Variants in GAS2 observed in about 807,000 individuals in gnomAD.
GAS2 encodes the protein growth arrest-specific protein 2.
GAS2 carries 20 observed loss-of-function variants against 37.5 expected under a neutral mutation model. That is an observed-to-expected ratio of 0.53 (90% CI 0.37 to 0.77). The LOEUF (loss-of-function observed/expected upper bound fraction) is 0.77. Ranked by LOEUF, GAS2 falls within the 30% of genes least tolerant of loss-of-function variation. GAS2 has a pLI of 0.00. For synonymous variants in GAS2, 144 were observed against 132.2 expected, an observed-to-expected ratio of 1.09 and a Z score of -0.61; for missense variants, 336 against 373.4, an observed-to-expected ratio of 0.90 and a Z score of 0.82.
chr11:22,713,749 C>T (rs2134095944), intron 3 of GAS2, among the ~76,000 whole-genome samples: 1 of 152,152 alleles, frequency 6.6e-6, no homozygotes, highest in East Asian at 1.9e-4. Flanking sequence ...TTGTACACAG[C>T]AAACTAAGCT....
At chr11:22,643,083 T>C (rs186157476) in intron 1 of GAS2, among the ~76,000 whole-genome samples, 2 of 152,044 alleles carry the variant, frequency 1.3e-5, no homozygotes, top group Non-Finnish European at 2.9e-5. Context: ...TAACTTTATA[T>C]AATAAAGTTC....
At chr11:22,743,498 T>C (rs1853209236) in intron 5 of GAS2, among the ~76,000 whole-genome samples, 1 of 152,200 alleles carries the variant, frequency 6.6e-6, no homozygotes, top group East Asian at 1.9e-4. Context: ...GAATTTCCAT[T>C]TTATATTTAA....
intron 4 of GAS2, among the ~76,000 whole-genome samples, chr11:22,736,928 T>C (rs548036908): frequency 1.3e-5 from 2 of 152,212 alleles, no homozygotes; most frequent in African/African-American, 4.8e-5. Flanking sequence ...ATGCTCTTCT[T>C]GTAGGCTTGA....
chr11:22,803,184 A>C (rs1299636128), intron 7 of GAS2, among the ~76,000 whole-genome samples: 1 of 152,152 alleles, frequency 6.6e-6, no homozygotes, highest in Non-Finnish European at 1.5e-5. Flanking sequence ...GAAGCATTAA[A>C]ATAAAAAACC....
chr11:22,797,043 T>C (rs551593897), intron 7 of GAS2, among the ~76,000 whole-genome samples: 13 of 152,218 alleles, frequency 8.5e-5, no homozygotes, highest in African/African-American at 2.4e-4. Context: ...CTGTAAAATA[T>C]TTATTATGAC....
intron 7 of GAS2, among the ~76,000 whole-genome samples, chr11:22,765,551 G>A (rs1024861936): frequency 6.6e-5 from 10 of 152,136 alleles, no homozygotes; most frequent in Non-Finnish European, 1.0e-4. Flanking sequence ...AGGCCAAGGC[G>A]GGCGGCTCAT....
intron 7 of GAS2, among the ~76,000 whole-genome samples, chr11:22,795,048 G>C (rs1316423976): frequency 1.3e-5 from 2 of 152,086 alleles, no homozygotes; most frequent in Non-Finnish European, 2.9e-5. Context: ...ATGTATCAGG[G>C]AACAAAACAG....
chr11:22,657,989 A>G (rs1222535214), intron 1 of GAS2, among the ~76,000 whole-genome samples: 2 of 150,168 alleles, frequency 1.3e-5, no homozygotes, highest in African/African-American at 4.9e-5. Context: ...ATCCAGATGT[A>G]TTGGTGGAAT....
At position 22,637,459 on chromosome 11, in the gene GAS2, TATTAATA is replaced by T. The variant is rs1858847864; in HGVS notation, c.-21+11647_-21+11653del. 1.1e-3 allele frequency among the ~76,000 whole-genome samples: 15 copies of T among 13,238 alleles called. 5 individuals carry two copies. Among genetic ancestry groups the T allele is most frequent in the African/African-American group, 5.4e-3 (15 of 2,774 alleles). 8.7% of individuals were successfully genotyped at this position (13,238 alleles called of 152,430 possible). A position where few individuals can be genotyped will look rare whatever the true frequency, so the allele number is the denominator to read the frequency against. On this transcript the variant is annotated intron_variant, in intron 1 of 5. Transcript: ENST00000528582. The stretch of plus-strand genomic sequence containing the variant: ...AGTATACTTAATATAATATTAATTA[TATTAATA>T]GTATACTTAATATAATATTAATTAT...
rs1590691454 is a variant in GAS2, at chr11:22,712,934, C to T, written c.268-13358C>T. 2.6e-5 allele frequency among the ~76,000 whole-genome samples: 4 copies of T among 151,682 alleles called. No individual in the cohort carries two copies. The East Asian group carries it at 5.8e-4, about 22-fold the overall frequency. ...TCTACTAAAAATACAAAAAAGTAGC[C>T]AGGCATGGTGGCTCAAACCTGTGGT... is the stretch of plus-strand genomic sequence containing the variant. On this transcript the variant is annotated intron_variant, in intron 3 of 7. Coordinates refer to ENST00000454584, the MANE Select transcript of GAS2 (RefSeq NM_001143830.3).
intron 7 of GAS2, among the ~76,000 whole-genome samples, chr11:22,793,498 A>G (rs1856280038): frequency 6.6e-6 from 1 of 152,170 alleles, no homozygotes; most frequent in Non-Finnish European, 1.5e-5. Context: ...AAAGAAGAAG[A>G]CTTTGTGCCC....
chr11:22,681,012 C>G (rs1849654513), intron 2 of GAS2, among the ~76,000 whole-genome samples: 1 of 152,144 alleles, frequency 6.6e-6, no homozygotes, highest in Non-Finnish European at 1.5e-5. Context: ...TACATGAATA[C>G]ATGTAAAATG....
At chr11:22,741,571 A>G (rs1853083205) in intron 5 of GAS2, among the ~76,000 whole-genome samples, 1 of 152,042 alleles carries the variant, frequency 6.6e-6, no homozygotes, top group Non-Finnish European at 1.5e-5. Context: ...AGCAAAATTT[A>G]TGATCATTTA....
At chr11:22,744,930 A>T (rs1853297734) in intron 5 of GAS2, among the ~76,000 whole-genome samples, 1 of 152,084 alleles carries the variant, frequency 6.6e-6, no homozygotes, top group Non-Finnish European at 1.5e-5. Context: ...GAAGTGAAAG[A>T]TCTCTACAAG....
chr11:22,663,412 A>T (rs149630036), upstream of GAS2, among the ~76,000 whole-genome samples: 403 of 152,218 alleles, frequency 2.6e-3, 2 homozygotes, highest in African/African-American at 9.2e-3. Flanking sequence ...TCTCAAAAAA[A>T]AAAATAAAAA....
At chr11:22,757,398 A>G (rs1040621277) in intron 7 of GAS2, among the ~76,000 whole-genome samples, 2 of 152,102 alleles carry the variant, frequency 1.3e-5, no homozygotes, top group Non-Finnish European at 2.9e-5. Context: ...TTATAGAGAA[A>G]TTGAGATTTG....
At chr11:22,713,427 A>G (rs1193824759) in intron 3 of GAS2, among the ~76,000 whole-genome samples, 6 of 152,130 alleles carry the variant, frequency 3.9e-5, no homozygotes, top group African/African-American at 1.2e-4. Context: ...AGTTTGGAAA[A>G]TTTATTTGAG....
chr11:22,755,920 A>T lies in GAS2; in HGVS notation c.690A>T (p.Arg230Ser). The change falls in exon 7 of 8, where the codon AGA becomes AGT. Residue 230 changes from arginine to serine, a missense_variant. By Grantham distance (110) the Arg-to-Ser change is moderately radical (BLOSUM62 -1). Coordinates refer to ENST00000454584, the MANE Select transcript of GAS2 (RefSeq NM_001143830.3). ...GTGTGGAGCGGCTCTCCCAAGGAAG[A>T]TACCGAGTGGGAGAAAAGATCCTCT... ...KFCVERLSQG[R>S]YRVGEKILFI... 1 of 1,612,692 alleles carries T rather than the reference A, an allele frequency of 6.2e-7. No homozygotes were observed. Among genetic ancestry groups the T allele is most frequent in the Non-Finnish European group, 8.5e-7 (1 of 1,178,960 alleles).
chr11:22,669,301 A>G (rs1849110277), intron 1 of GAS2, among the ~76,000 whole-genome samples: 3 of 152,050 alleles, frequency 2.0e-5, no homozygotes, highest in Non-Finnish European at 1.5e-5. Flanking sequence ...ATGGTTTTCT[A>G]TTTTAATTAT....
Sources: allele counts gnomAD v4.1 joint callset (sites outside exome capture counted in the v4.1 genomes callset), GRCh38; gene constraint gnomAD v4.1.1; transcripts MANE v1.5; gene names NCBI Gene and HGNC (gene_info 2026-07-23, HGNC 2026-07-21).